Variants in PCDH7 observed in about 807,000 individuals in gnomAD.
PCDH7 encodes protocadherin-7.
PCDH7 carries 17 observed loss-of-function variants against 58.9 expected under a neutral mutation model. That is an observed-to-expected ratio of 0.29 (90% CI 0.20 to 0.43). The LOEUF (loss-of-function observed/expected upper bound fraction) is 0.43, where lower values mean the gene tolerates loss of function less well. Among genes scored for constraint, PCDH7 ranks in the 20% least tolerant of loss-of-function variants. PCDH7 has a pLI of 1.00. For missense variants in PCDH7, 1,274 were observed against 1,441.0 expected, an observed-to-expected ratio of 0.88 and a Z score of 1.88; for synonymous variants, 664 against 616.4, an observed-to-expected ratio of 1.08 and a Z score of -1.14.
chr4:30,725,461 G>A (rs770703285), intron 1 of PCDH7: 1 of 201,004 alleles, frequency 5.0e-6, no homozygotes, highest in Non-Finnish European at 8.9e-6. Context: ...GTTTCTCAGT[G>A]AAATGTGGAA....
intron 3 of PCDH7, among the ~76,000 whole-genome samples, chr4:31,081,632 T>C (rs1173882143): frequency 2.6e-5 from 4 of 152,192 alleles, no homozygotes; most frequent in African/African-American, 9.7e-5. Flanking sequence ...GCTGAGATTA[T>C]GTGAGCTGAT....
intron 1 of PCDH7, among the ~76,000 whole-genome samples, chr4:30,885,978 G>A (rs1737684686): frequency 1.3e-5 from 2 of 151,514 alleles, no homozygotes; most frequent in South Asian, 2.1e-4. Context: ...AATTCAAGAT[G>A]GATTAAAGAC....
intron 3 of PCDH7, among the ~76,000 whole-genome samples, chr4:31,104,972 A>G (rs1715364686): frequency 6.6e-6 from 1 of 152,268 alleles, no homozygotes; most frequent in Non-Finnish European, 1.5e-5. Flanking sequence ...GTGTACCTTA[A>G]GGAACACATG....
Position 30,723,063 on chromosome 4 carries a change from C to A in PCDH7, c.1641C>A (p.Asn547Lys). The change falls in exon 1 of 2, where the codon AAC (asparagine) becomes AAA (lysine). Residue 547 changes from asparagine to lysine, a missense_variant. Physicochemically the swap from Asn to Lys is moderately conservative, Grantham distance 94. Around this residue, in one of 3 missense-constraint regions of PCDH7, gnomAD observed 731 missense variants for 881.9 expected, o/e 0.83. Coordinates refer to ENST00000361762, the Ensembl canonical transcript of PCDH7. The surrounding 1 kb of genome is among the most constrained non-coding windows in gnomAD (Gnocchi z 4.6). ...TGGTGGAGGTTTACTTCCCTGAGAA[C>A]AACATCCCGGGCGAGAGGGTGGCCA... 1 of 1,613,928 alleles carries A rather than the reference C, an allele frequency of 6.2e-7. No individual in the cohort carries two copies. The highest frequency in any genetic ancestry group is 2.2e-5 in the East Asian group (1 of 44,876).
chr4:30,799,106 C>A (rs754493337), intron 1 of PCDH7, among the ~76,000 whole-genome samples: 41 of 152,210 alleles, frequency 2.7e-4, no homozygotes, highest in Admixed American at 7.2e-4. Context: ...TGTAGAGTTA[C>A]TTTTCTTTCT....
At chr4:30,779,516 C>T (rs888704216) in intron 1 of PCDH7, among the ~76,000 whole-genome samples, 1 of 152,092 alleles carries the variant, frequency 6.6e-6, no homozygotes, top group African/African-American at 2.4e-5. Context: ...AGCTGGTAAA[C>T]CACAAATCAT....
chr4:31,094,463 A>T (rs770028648), intron 3 of PCDH7, among the ~76,000 whole-genome samples: 1 of 152,310 alleles, frequency 6.6e-6, no homozygotes, highest in South Asian at 2.1e-4. Context: ...CTAAAAAAAA[A>T]ATTCACAATG....
chr4:30,886,263 A>T (rs1305285933), intron 1 of PCDH7, among the ~76,000 whole-genome samples: 851 of 121,912 alleles, frequency 7.0e-3, no homozygotes, highest in East Asian at 0.023. Context: ...AATGAACTCC[A>T]ACAAATTTAC....
At chr4:31,116,799 C>A (rs555129507) in intron 3 of PCDH7, among the ~76,000 whole-genome samples, 440 of 152,200 alleles carry the variant, frequency 2.9e-3, no homozygotes, top group Non-Finnish European at 4.5e-3. Flanking sequence ...TATTATCTAA[C>A]ATTCAAACTG....
At chr4:31,057,110 T>G (rs186060320) in intron 3 of PCDH7, among the ~76,000 whole-genome samples, 29 of 152,224 alleles carry the variant, frequency 1.9e-4, no homozygotes, top group African/African-American at 6.3e-4. Context: ...ATTAGAAATA[T>G]TTGTAAACCT....
At chr4:31,095,381 A>G (rs773449849) in intron 3 of PCDH7, among the ~76,000 whole-genome samples, 4 of 152,082 alleles carry the variant, frequency 2.6e-5, no homozygotes, top group Non-Finnish European at 5.9e-5. Context: ...GCGTTTTTAT[A>G]GCTTTTCTAT....
At chr4:31,095,487 T>A (rs1713844361) in intron 3 of PCDH7, among the ~76,000 whole-genome samples, 1 of 152,224 alleles carries the variant, frequency 6.6e-6, no homozygotes, top group African/African-American at 2.4e-5. Flanking sequence ...TTGTTCTATC[T>A]TTCAAAATAA....
At chr4:31,018,614 C>T (rs920455581) in intron 3 of PCDH7, among the ~76,000 whole-genome samples, 1 of 152,116 alleles carries the variant, frequency 6.6e-6, no homozygotes, top group African/African-American at 2.4e-5. Flanking sequence ...TTCTCTAAGT[C>T]GTGTATATTT....
intron 3 of PCDH7, among the ~76,000 whole-genome samples, chr4:31,079,762 T>C (rs1759350125): frequency 6.6e-6 from 1 of 152,046 alleles, no homozygotes; most frequent in Non-Finnish European, 1.5e-5. Flanking sequence ...AACTGCAGCT[T>C]TAGAAACAGC....
intron 3 of PCDH7, among the ~76,000 whole-genome samples, chr4:31,016,055 A>G (rs1264640599): frequency 2.0e-5 from 3 of 152,178 alleles, no homozygotes; most frequent in Non-Finnish European, 4.4e-5. Context: ...TATTTTATGC[A>G]ACTAAATCAC....
intron 1 of PCDH7, among the ~76,000 whole-genome samples, chr4:30,849,173 C>T (rs544221631): frequency 1.1e-4 from 16 of 152,160 alleles, no homozygotes; most frequent in African/African-American, 3.4e-4. Flanking sequence ...AGAGAGCATA[C>T]TGTTGGATGA....
At chr4:30,839,551 A>G in intron 1 of PCDH7, among the ~76,000 whole-genome samples, 1 of 152,160 alleles carries the variant, frequency 6.6e-6, no homozygotes, top group South Asian at 2.1e-4. Flanking sequence ...TTGCCATAGA[A>G]CCTGTGATGA....
intron 3 of PCDH7, among the ~76,000 whole-genome samples, chr4:31,129,503 T>A (rs1399310561): frequency 1.3e-5 from 2 of 152,186 alleles, no homozygotes; most frequent in Non-Finnish European, 2.9e-5. Flanking sequence ...AAGGCTCTTT[T>A]GTGCTAAAAT....
chr4:30,906,061 T>C (rs990515163), intron 1 of PCDH7, among the ~76,000 whole-genome samples: 2 of 152,214 alleles, frequency 1.3e-5, no homozygotes, highest in Non-Finnish European at 2.9e-5. Context: ...GCCATTTCTG[T>C]GCTTTCCGTT....
Sources: gnomAD v4.1 joint callset for allele counts (sites outside exome capture counted in the v4.1 genomes callset) on GRCh38, gnomAD v4.1.1 for gene constraint, gnomAD v4.1.1 regional missense constraint, Gnocchi (gnomAD v3.1) non-coding constraint, MANE v1.5 for transcripts, NCBI Gene and HGNC (gene_info 2026-07-23, HGNC 2026-07-21) for gene names.